Variants in PIK3R3 observed in about 807,000 individuals in gnomAD.
PIK3R3 encodes phosphoinositide-3-kinase regulatory subunit 3.
Under a neutral mutation model 62.9 loss-of-function variants are expected in PIK3R3, and 64 were observed. The observed-to-expected ratio is 1.02, with a 90% CI of 0.83 to 1.25. PIK3R3 has a LOEUF of 1.25. PIK3R3 is among the 50% of genes most tolerant of loss of function. PIK3R3 has a pLI of 0.00. For synonymous variants in PIK3R3, 165 were observed against 189.0 expected, an observed-to-expected ratio of 0.87 and a Z score of 1.04; for missense variants, 614 against 561.6, an observed-to-expected ratio of 1.09 and a Z score of -0.94.
intron 1 of PIK3R3, among the ~76,000 whole-genome samples, chr1:46,117,456 C>A (rs1272236014): frequency 1.3e-5 from 2 of 151,656 alleles, no homozygotes; most frequent in Admixed American, 1.3e-4. Flanking sequence ...AATTATAGTA[C>A]AATCTAAATT....
At chr1:46,130,877 G>A (rs971852193) in intron 1 of PIK3R3, among the ~76,000 whole-genome samples, 35 of 152,094 alleles carry the variant, frequency 2.3e-4, no homozygotes, top group Admixed American at 1.4e-3. Context: ...GAGAAAATCT[G>A]ACAGCTAATA....
chr1:46,080,860 T>A, intron 1 of PIK3R3, 110 bp from the exon 2 acceptor site: 1 of 665,238 alleles, frequency 1.5e-6, no homozygotes, highest in Non-Finnish European at 2.6e-6. Flanking sequence ...TAATTATCAA[T>A]CAAATTGAGT....
At chr1:46,059,158 G>A (rs899462160) in intron 6 of PIK3R3, among the ~76,000 whole-genome samples, 1 of 152,178 alleles carries the variant, frequency 6.6e-6, no homozygotes, top group African/African-American at 2.4e-5. Flanking sequence ...CATGTAAGAC[G>A]TGATTTGCTC....
intron 1 of PIK3R3, among the ~76,000 whole-genome samples, chr1:46,127,711 T>C (rs1655219772): frequency 6.6e-6 from 1 of 152,150 alleles, no homozygotes; most frequent in Non-Finnish European, 1.5e-5. Context: ...ATCTTAACAT[T>C]TCTACAATAA....
chr1:46,092,928 GCTCT>G (rs1651779341), intron 1 of PIK3R3, among the ~76,000 whole-genome samples: 1 of 151,720 alleles, frequency 6.6e-6, no homozygotes, highest in Admixed American at 6.6e-5. Context: ...TGCTTTTACT[GCTCT>G]CTCTCTCGGC....
At chr1:46,119,846 C>T (rs970839184) in intron 1 of PIK3R3, among the ~76,000 whole-genome samples, 2 of 149,122 alleles carry the variant, frequency 1.3e-5, no homozygotes, top group African/African-American at 4.9e-5. Context: ...GGTATAATCA[C>T]AGCTCAGCGC....
chr1:46,049,470 G>A (rs919339817), intron 7 of PIK3R3, among the ~76,000 whole-genome samples: 6 of 152,232 alleles, frequency 3.9e-5, no homozygotes, highest in African/African-American at 9.6e-5. Context: ...AGTAGAAAAC[G>A]GGGTGACAGA....
At chr1:46,097,445 A>T (rs1357056358) in intron 1 of PIK3R3, among the ~76,000 whole-genome samples, 1 of 152,172 alleles carries the variant, frequency 6.6e-6, no homozygotes, top group Non-Finnish European at 1.5e-5. Flanking sequence ...ACTAGATTAA[A>T]GGGAATTTCC....
chr1:46,066,073 T>G lies in PIK3R3; in HGVS notation c.602A>C (p.Glu201Ala). 1 of 1,609,094 alleles carries G rather than the reference T, an allele frequency of 6.2e-7. No individual in the cohort carries two copies. The highest frequency in any genetic ancestry group is 8.5e-7 in the Non-Finnish European group (1 of 1,175,878). Residue 201 changes from glutamate (E) to alanine (A), a missense_variant, in exon 5 of 10, where the codon GAA (glutamate) becomes GCA (alanine). Transcript: ENST00000262741. Reference protein sequence around the residue: ...KSKEYDRLYEEYTRTSQEIQM... With the variant: ...KSKEYDRLYEAYTRTSQEIQM... ...ACCAACCTGGGATGTTCTAGTATAT[T>G]CTTCATACAGCCTATCATACTCTTT...
In PIK3R3 at chr1:46,043,779, T is replaced by C; in HGVS notation, c.1280A>G (p.Glu427Gly). 2.5e-6 allele frequency: 4 copies of C among 1,614,120 alleles called. 1 individual carries two copies. Among genetic ancestry groups the C allele is most frequent in the Non-Finnish European group, 3.4e-6 (4 of 1,179,996 alleles). Reference protein sequence around the residue: ...EPYNLYSSLKELVLHYQQTSL... With the variant: ...EPYNLYSSLKGLVLHYQQTSL... ...TGTCTGCTGGTAATGGAGCACTAGCTCCTTCAGAGAGCTGTACAGGTTGTA... is the reference window on the plus strand; with the variant it reads ...TGTCTGCTGGTAATGGAGCACTAGCCCCTTCAGAGAGCTGTACAGGTTGTA... Residue 427 changes from glutamate (E) to glycine (G), a missense_variant, in exon 10 of 10, where the codon GAG becomes GGG. By Grantham distance (98) the Glu-to-Gly change is moderately conservative. Coordinates refer to ENST00000262741, the MANE Select transcript of PIK3R3 (RefSeq NM_003629.4).
At position 46,092,629 on chromosome 1, in the gene PIK3R3, C is replaced by T. The variant is rs549491953; in HGVS notation, c.107-11879G>A. On this transcript the variant is annotated intron_variant, in intron 1 of 9. Coordinates refer to ENST00000262741, the MANE Select transcript of PIK3R3 (RefSeq NM_003629.4). Reference sequence around the variant, plus strand: ...CCGCCTGCCTCGGCCTCTCAAAGTGCTGGGATTACAGGAGTGAGCCACCGC... The same window carrying T: ...CCGCCTGCCTCGGCCTCTCAAAGTGTTGGGATTACAGGAGTGAGCCACCGC... 9.8e-5 allele frequency among the ~76,000 whole-genome samples: 15 copies of T among 152,300 alleles called. No homozygotes were observed. In the South Asian group the frequency reaches 2.9e-3, roughly 29 times the overall value.
At chr1:46,133,211 A>AG (rs997964469), upstream of PIK3R3, among the ~76,000 whole-genome samples, 2 of 152,184 alleles carry the variant, frequency 1.3e-5, no homozygotes, top group South Asian at 2.1e-4. Context: ...AGAAAAGAGG[A>AG]GGAAAAAAAA....
chr1:46,132,230 A>T lies in PIK3R3; in HGVS notation c.-278T>A. The T allele has an allele frequency of 1.7e-6, 2 of 1,181,918 alleles. No individual in the cohort carries two copies. The highest frequency in any genetic ancestry group is 4.4e-5 in the South Asian group (2 of 45,810). 73.2% of individuals were successfully genotyped at this position (1,181,918 alleles called of 1,614,324 possible). A position where few individuals can be genotyped will look rare whatever the true frequency, so the allele number is the denominator to read the frequency against. ...GGGACGGAGAGCAGAGGTGTTAAAA[A>T]GCGGCTTCCCAAAAATCCTTTCTAC... On this transcript the variant is annotated 5_prime_UTR_variant, in exon 1 of 10. Coordinates refer to ENST00000262741, the MANE Select transcript of PIK3R3 (RefSeq NM_003629.4).
chr1:46,110,871 T>G (rs1321477553), intron 1 of PIK3R3, among the ~76,000 whole-genome samples: 1 of 42,146 alleles, frequency 2.4e-5, no homozygotes, highest in Non-Finnish European at 5.0e-5. Flanking sequence ...AAAAAGTTGG[T>G]TTTTTTTTTT....
chr1:46,151,115 G>T, the PIK3R3 span, among the ~76,000 whole-genome samples: 1 of 152,026 alleles, frequency 6.6e-6, no homozygotes, highest in South Asian at 2.1e-4. Context: ...TCGGCTGCTG[G>T]TAAACATTTT....
intron 1 of PIK3R3, among the ~76,000 whole-genome samples, chr1:46,092,646 A>G (rs1192984477): frequency 6.6e-6 from 1 of 152,152 alleles, no homozygotes; most frequent in African/African-American, 2.4e-5. Context: ...TACAGGAGTG[A>G]GCCACCGCGC....
chr1:46,071,759 A>AGAGAGAGAGAGAGAGCGAGCGAGC (rs777668187), intron 3 of PIK3R3, among the ~76,000 whole-genome samples: 5 of 100,124 alleles, frequency 5.0e-5, no homozygotes, highest in East Asian at 4.9e-4. Flanking sequence ...AGAGAGAGAG[A>AGAGAGAGAGAGAGAGCGAGCGAGC]GCGCGCGCCT....
At chr1:46,098,949 A>G (rs1652397985) in intron 1 of PIK3R3, among the ~76,000 whole-genome samples, 1 of 151,768 alleles carries the variant, frequency 6.6e-6, no homozygotes, top group Non-Finnish European at 1.5e-5. Context: ...TGATCCTCCC[A>G]CCTCAGTCTC....
chr1:46,147,382 G>A, the PIK3R3 span, among the ~76,000 whole-genome samples: 2 of 152,178 alleles, frequency 1.3e-5, no homozygotes, highest in Admixed American at 1.3e-4. Context: ...TGGGATTACA[G>A]GCGTGAGCCA....
Sources: allele counts gnomAD v4.1 joint callset (sites outside exome capture counted in the v4.1 genomes callset), GRCh38; gene constraint gnomAD v4.1.1; transcripts MANE v1.5; gene names NCBI Gene and HGNC (gene_info 2026-07-23, HGNC 2026-07-21).